The following NDUFA5 variants were observed in gnomAD, a reference collection of about 807,000 sequenced individuals.
NDUFA5 encodes the protein NADH:ubiquinone oxidoreductase subunit A5.
A neutral mutation model predicts 19.8 loss-of-function variants in NDUFA5; 11 were observed. The ratio of observed to expected loss-of-function variants is 0.56; its 90% CI spans 0.35 to 0.92. The LOEUF (loss-of-function observed/expected upper bound fraction) is 0.92, where lower values mean the gene tolerates loss of function less well. NDUFA5 is among the 40% of genes least tolerant of loss of function. The probability of loss-of-function intolerance (pLI) is 0.01; values close to 1 mark genes in which losing one functional copy is unlikely to be tolerated. For synonymous variants in NDUFA5, 47 were observed against 46.8 expected (o/e 1.00, Z -0.01); for missense variants, 109 against 134.2 (o/e 0.81, Z 0.93).
the NDUFA5 span, among the ~76,000 whole-genome samples, chr7:123,579,345 A>G: frequency 6.6e-6 from 1 of 152,148 alleles, no homozygotes; most frequent in African/African-American, 2.4e-5. Context: ...GTTAAAAATA[A>G]GGATCTTAGA....
At chr7:123,558,284 G>A (rs934489776), upstream of NDUFA5, 3 of 171,480 alleles carry the variant, frequency 1.7e-5, no homozygotes, top group East Asian at 3.2e-4. Context: ...TGTGTCTTAC[G>A]AACCAAAGCC....
intron 3 of NDUFA5, chr7:123,546,634 G>T: frequency 7.9e-7 from 1 of 1,261,194 alleles, no homozygotes; most frequent in Non-Finnish European, 1.0e-6. Context: ...CCAATAAATG[G>T]AATAAAGAGG....
the NDUFA5 span, among the ~76,000 whole-genome samples, chr7:123,595,817 T>C: frequency 6.6e-6 from 1 of 152,212 alleles, no homozygotes; most frequent in Non-Finnish European, 1.5e-5. Flanking sequence ...AAAGTATTTG[T>C]CTACACTGTG....
the NDUFA5 span, among the ~76,000 whole-genome samples, chr7:123,590,251 T>C: frequency 2.6e-5 from 4 of 152,180 alleles, no homozygotes; most frequent in East Asian, 7.7e-4. Flanking sequence ...GTTGCAAAAA[T>C]TTTATCCCAT....
At chr7:123,551,215 T>A (rs529872134) in intron 2 of NDUFA5, among the ~76,000 whole-genome samples, 1 of 148,648 alleles carries the variant, frequency 6.7e-6, no homozygotes, top group East Asian at 2.0e-4. Flanking sequence ...TTCTTTCTTT[T>A]TTTTTTTTTT....
chr7:123,566,844 G>A, the NDUFA5 span, among the ~76,000 whole-genome samples: 5 of 152,268 alleles, frequency 3.3e-5, no homozygotes, highest in African/African-American at 1.2e-4. Flanking sequence ...TTTTTCAAAC[G>A]AGGCAATGCT....
intron 3 of NDUFA5, chr7:123,546,713 A>G (rs1405014961): frequency 7.8e-7 from 1 of 1,287,334 alleles, no homozygotes; most frequent in Non-Finnish European, 1.0e-6. Context: ...ATCTTGCTGG[A>G]TGGCCCAGGG....
chr7:123,557,323 G>A, intron 2 of NDUFA5, 81 bp downstream of exon 2: 1 of 1,590,266 alleles, frequency 6.3e-7, no homozygotes, highest in Non-Finnish European at 8.6e-7. Flanking sequence ...TCTGTATCCC[G>A]TTAACCCTGC....
At chr7:123,549,546 G>A (rs1312406000) in intron 3 of NDUFA5, among the ~76,000 whole-genome samples, 1 of 152,180 alleles carries the variant, frequency 6.6e-6, no homozygotes, top group Non-Finnish European at 1.5e-5. Context: ...GAAGGCTAAG[G>A]CAGGAAGGTC....
In NDUFA5 at chr7:123,540,915, C is replaced by CAT. The variant is rs1797920598; in HGVS notation, c.*1203_*1204insAT. On this transcript the variant is annotated 3_prime_UTR_variant, in exon 5 of 5. Transcript: ENST00000355749. ...GCACACACACACACACACACACACA[C>CAT]ACACACACACACACACACACGTATA... is the stretch of plus-strand genomic sequence containing the variant. 6.5e-6 allele frequency: 1 copy of CAT among 152,780 alleles called. No homozygotes were observed. The highest frequency in any genetic ancestry group is 1.5e-5 in the Non-Finnish European group (1 of 68,756). 9.5% of individuals were successfully genotyped at this position (152,780 alleles called of 1,614,324 possible).
intron 2 of NDUFA5, among the ~76,000 whole-genome samples, chr7:123,552,404 CAT>C (rs1490731994): frequency 1.3e-5 from 2 of 152,008 alleles, no homozygotes; most frequent in Non-Finnish European, 2.9e-5. Flanking sequence ...CCAAACATCA[CAT>C]GTTCTCACTC....
At chr7:123,546,723 G>T (rs1303899684) in intron 3 of NDUFA5, 5 of 1,283,056 alleles carry the variant, frequency 3.9e-6, no homozygotes, top group Middle Eastern at 2.1e-4. Context: ...ATGGCCCAGG[G>T]TATCTGCATC....
the NDUFA5 span, among the ~76,000 whole-genome samples, chr7:123,591,999 G>C: frequency 6.6e-6 from 1 of 152,132 alleles, no homozygotes; most frequent in East Asian, 1.9e-4. Context: ...TCTATTCAGA[G>C]ATTCAACTTT....
chr7:123,568,782 T>C, the NDUFA5 span, among the ~76,000 whole-genome samples: 2 of 152,102 alleles, frequency 1.3e-5, no homozygotes, highest in Non-Finnish European at 2.9e-5. Context: ...ATCAACAAAA[T>C]GGTAACAAAA....
chr7:123,545,560 G>A (rs752573754), intron 4 of NDUFA5, 51 bp downstream of exon 4: 1 of 1,405,784 alleles, frequency 7.1e-7, no homozygotes, highest in Admixed American at 1.7e-5. Context: ...TAGAACGTCA[G>A]TTGTGTGTCT....
chr7:123,565,385 T>G, the NDUFA5 span, among the ~76,000 whole-genome samples: 2 of 135,810 alleles, frequency 1.5e-5, no homozygotes, highest in Non-Finnish European at 1.6e-5. Context: ...ATCTGGCTAT[T>G]TAGCTTATAA....
chr7:123,553,312 G>C (rs950744195), intron 2 of NDUFA5, among the ~76,000 whole-genome samples: 6 of 152,236 alleles, frequency 3.9e-5, no homozygotes, highest in South Asian at 2.1e-4. Flanking sequence ...AGGGGCAAAG[G>C]CTTGTCTTAC....
At chr7:123,594,043 G>A in the NDUFA5 span, among the ~76,000 whole-genome samples, 6 of 151,670 alleles carry the variant, frequency 4.0e-5, no homozygotes, top group African/African-American at 1.2e-4. Flanking sequence ...CATCAATCAC[G>A]ATATCCCTTC....
chr7:123,556,697 T>C (rs1178850040), intron 2 of NDUFA5: 1 of 386,762 alleles, frequency 2.6e-6, no homozygotes, highest in Admixed American at 3.4e-5. Flanking sequence ...ACTGGTGAAC[T>C]TGAAAAGAGC....
Sources: gnomAD v4.1 joint callset for allele counts (sites outside exome capture counted in the v4.1 genomes callset) on GRCh38, gnomAD v4.1.1 for gene constraint, MANE v1.5 for transcripts, NCBI Gene and HGNC (gene_info 2026-07-23, HGNC 2026-07-21) for gene names.